The following SUCLG2 variants were observed in gnomAD, a reference collection of about 807,000 sequenced individuals.
SUCLG2 encodes succinate-CoA ligase GDP-forming subunit beta, also known as succinate--CoA ligase [GDP-forming] subunit beta, mitochondrial.
In SUCLG2, 42 loss-of-function variants were observed where a neutral mutation model predicts 47.9. The ratio of observed to expected loss-of-function variants is 0.88; its 90% confidence interval spans 0.69 to 1.14. SUCLG2 has a LOEUF of 1.14. SUCLG2 is among the 50% of genes most tolerant of loss of function. The pLI, the probability that SUCLG2 is intolerant of heterozygous loss-of-function variation, is 0.00. For synonymous variants in SUCLG2, 195 were observed against 197.3 expected, an observed-to-expected ratio of 0.99 and a Z score of 0.10; for missense variants, 571 against 525.9, an observed-to-expected ratio of 1.09 and a Z score of -0.84.
At chr3:67,505,255 C>G (rs577269268) in intron 7 of SUCLG2, among the ~76,000 whole-genome samples, 2 of 152,302 alleles carry the variant, frequency 1.3e-5, no homozygotes, top group East Asian at 3.9e-4. Context: ...GCAAGCAGGG[C>G]TGGAGAACCA....
At chr3:67,393,041 C>A (rs538818419) in intron 10 of SUCLG2, among the ~76,000 whole-genome samples, 72 of 152,286 alleles carry the variant, frequency 4.7e-4, no homozygotes, top group African/African-American at 1.6e-3. Flanking sequence ...GGGAAGGCAG[C>A]CAAGATGGCC....
chr3:67,564,627 T>G (rs1332685499), intron 2 of SUCLG2, among the ~76,000 whole-genome samples: 1 of 152,242 alleles, frequency 6.6e-6, no homozygotes, highest in South Asian at 2.1e-4. Flanking sequence ...ACAGGCCACA[T>G]GCAGCTCAGG....
chr3:67,639,194 T>C (rs571148162), intron 1 of SUCLG2, among the ~76,000 whole-genome samples: 1 of 152,334 alleles, frequency 6.6e-6, no homozygotes, highest in South Asian at 2.1e-4. Flanking sequence ...TGTATATGTA[T>C]CAGTAATTTA....
At chr3:67,509,731 G>C (rs1705734304) in intron 6 of SUCLG2, among the ~76,000 whole-genome samples, 1 of 152,152 alleles carries the variant, frequency 6.6e-6, no homozygotes, top group Non-Finnish European at 1.5e-5. Context: ...TCGTGGAGAA[G>C]AATTAGGTAT....
At chr3:67,400,626 T>A in intron 10 of SUCLG2, 105 bp downstream of exon 10, 1 of 1,482,188 alleles carries the variant, frequency 6.7e-7, no homozygotes, top group African/African-American at 1.4e-5. Context: ...TTACACAATC[T>A]AGTGTTTCGT....
At chr3:67,391,746 G>A (rs575868393) in intron 10 of SUCLG2, among the ~76,000 whole-genome samples, 11 of 152,172 alleles carry the variant, frequency 7.2e-5, no homozygotes, top group Non-Finnish European at 1.3e-4. Flanking sequence ...CAGAGTGAAT[G>A]CAGATCCCCA....
chr3:67,437,312 T>C (rs1239296170), intron 9 of SUCLG2, among the ~76,000 whole-genome samples: 1 of 152,160 alleles, frequency 6.6e-6, no homozygotes, highest in Non-Finnish European at 1.5e-5. Flanking sequence ...GATCAATCAC[T>C]AGGGGCCATT....
At chr3:67,397,789 C>G (rs1702581805) in intron 10 of SUCLG2, among the ~76,000 whole-genome samples, 1 of 152,162 alleles carries the variant, frequency 6.6e-6, no homozygotes, top group Admixed American at 6.5e-5. Context: ...GCTACAGTAA[C>G]CAAAACAGCA....
At chr3:67,585,993 C>CAAAAAAAA (rs1575797477) in intron 2 of SUCLG2, among the ~76,000 whole-genome samples, 7 of 20,736 alleles carry the variant, frequency 3.4e-4, no homozygotes, top group African/African-American at 8.6e-4. Flanking sequence ...AAAAAAAAAC[C>CAAAAAAAA]AAACCCACAA....
At chr3:67,580,039 A>T (rs1486212645) in intron 2 of SUCLG2, among the ~76,000 whole-genome samples, 2 of 152,204 alleles carry the variant, frequency 1.3e-5, no homozygotes, top group East Asian at 3.8e-4. Flanking sequence ...AAATTAGAAT[A>T]TACTGTAGCA....
intron 2 of SUCLG2, among the ~76,000 whole-genome samples, chr3:67,556,683 G>C (rs1054746351): frequency 5.9e-5 from 9 of 152,130 alleles, no homozygotes; most frequent in African/African-American, 1.9e-4. Flanking sequence ...CTCTGCTGCA[G>C]TTTTTTGCTA....
intron 2 of SUCLG2, among the ~76,000 whole-genome samples, chr3:67,578,791 G>A (rs1707809866): frequency 6.6e-6 from 1 of 152,160 alleles, no homozygotes; most frequent in Non-Finnish European, 1.5e-5. Flanking sequence ...TCTCTCACTG[G>A]TCAAAGTCAG....
At chr3:67,398,092 T>C (rs913387827) in intron 10 of SUCLG2, among the ~76,000 whole-genome samples, 1 of 150,264 alleles carries the variant, frequency 6.7e-6, no homozygotes, top group South Asian at 2.1e-4. Context: ...GGCATTACCA[T>C]TCAGGACATA....
intron 2 of SUCLG2, among the ~76,000 whole-genome samples, chr3:67,552,232 T>C (rs1041890653): frequency 7.1e-6 from 1 of 140,038 alleles, no homozygotes; most frequent in Non-Finnish European, 1.6e-5. Context: ...GACCCAATAA[T>C]AGCAAAACAA....
intron 10 of SUCLG2, among the ~76,000 whole-genome samples, chr3:67,396,507 C>A (rs934486341): frequency 2.0e-5 from 3 of 152,074 alleles, no homozygotes; most frequent in South Asian, 2.1e-4. Context: ...CAATAACAGG[C>A]TCTGAAATTG....
intron 7 of SUCLG2, among the ~76,000 whole-genome samples, chr3:67,503,367 G>A (rs767216057): frequency 4.6e-4 from 70 of 152,136 alleles, no homozygotes; most frequent in Non-Finnish European, 5.9e-5. Flanking sequence ...CTGTGGCTAC[G>A]CAAAAGGAGT....
chr3:67,413,043 T>C (rs1375008115), intron 9 of SUCLG2, among the ~76,000 whole-genome samples: 2 of 152,198 alleles, frequency 1.3e-5, no homozygotes, highest in African/African-American at 4.8e-5. Flanking sequence ...CACAAGCCAT[T>C]AAATGAGTAT....
chr3:67,495,075 A>AT (rs1705296517), intron 9 of SUCLG2, among the ~76,000 whole-genome samples: 1 of 152,146 alleles, frequency 6.6e-6, no homozygotes, highest in South Asian at 2.1e-4. Flanking sequence ...TTTCCCAGTG[A>AT]TTTTTGATCC....
At chr3:67,429,280 T>A (rs750938948) in intron 9 of SUCLG2, among the ~76,000 whole-genome samples, 1 of 152,176 alleles carries the variant, frequency 6.6e-6, no homozygotes, top group African/African-American at 2.4e-5. Flanking sequence ...AGCCAGAAGA[T>A]AGTGGGGGCC....
Sources: gnomAD v4.1 joint callset for allele counts (sites outside exome capture counted in the v4.1 genomes callset) on GRCh38, gnomAD v4.1.1 for gene constraint, MANE v1.5 for transcripts, NCBI Gene and HGNC (gene_info 2026-07-23, HGNC 2026-07-21) for gene names.